SRFBP1: variants seen among roughly 807,000 people sequenced by gnomAD.
SRFBP1 encodes serum response factor-binding protein 1.
Under a neutral mutation model 45.5 loss-of-function variants are expected in SRFBP1, and 47 were observed. The observed-to-expected ratio is 1.03, with a 90% confidence interval of 0.82 to 1.32. The LOEUF (loss-of-function observed/expected upper bound fraction) is 1.32. Ranked by LOEUF, SRFBP1 falls within the 40% of genes most tolerant of loss-of-function variation. SRFBP1 has a pLI of 0.00. For missense variants in SRFBP1, 621 were observed against 484.6 expected, an observed-to-expected ratio of 1.28 and a Z score of -2.64; for synonymous variants, 203 against 166.3, an observed-to-expected ratio of 1.22 and a Z score of -1.70.
chr5:121,974,163 C>G, intron 1 of SRFBP1, 33 bp from the exon 2 acceptor site: 1 of 1,454,938 alleles, frequency 6.9e-7, no homozygotes, highest in Middle Eastern at 1.8e-4. Flanking sequence ...GAAGTAAGTG[C>G]CTTTCTTCTA....
At chr5:121,986,885 G>A (rs1427468088) in intron 3 of SRFBP1, among the ~76,000 whole-genome samples, 1 of 152,072 alleles carries the variant, frequency 6.6e-6, no homozygotes, top group Non-Finnish European at 1.5e-5. Context: ...ATATTACAAA[G>A]ATATTGAGGT....
chr5:122,057,978 T>G (rs1035042637), intron 2 of SRFBP1, among the ~76,000 whole-genome samples: 3 of 152,140 alleles, frequency 2.0e-5, no homozygotes, highest in Non-Finnish European at 4.4e-5. Context: ...CCATGTCTGC[T>G]GGCCTTGATT....
chr5:121,970,708 G>A (rs140307687), intron 1 of SRFBP1, among the ~76,000 whole-genome samples: 1 of 152,094 alleles, frequency 6.6e-6, no homozygotes, highest in African/African-American at 2.4e-5. Context: ...TTGAAACAGT[G>A]AATAGACAGT....
At chr5:121,979,548 C>T (rs896570701) in intron 3 of SRFBP1, among the ~76,000 whole-genome samples, 12 of 152,290 alleles carry the variant, frequency 7.9e-5, no homozygotes, top group Admixed American at 2.6e-4. Context: ...TAATCTTACA[C>T]TATAATTATT....
At chr5:122,000,779 C>A (rs1346846188) in intron 4 of SRFBP1, among the ~76,000 whole-genome samples, 1 of 152,052 alleles carries the variant, frequency 6.6e-6, no homozygotes, top group Non-Finnish European at 1.5e-5. Flanking sequence ...CTCTAACTCT[C>A]CAGATAGGAA....
rs753688667 is a variant in SRFBP1 at position 122,020,623 on chromosome 5, G to A, written c.888G>A (p.Lys296=). Residue 296 remains lysine, a synonymous_variant, in exon 6 of 8, where the codon AAG becomes AAA. Coordinates refer to ENST00000339397, the MANE Select transcript of SRFBP1 (RefSeq NM_152546.3). ...GGAAAGTCAGACGGACACGAAAGAA[G>A]GAAAGTAGTTGTCATTCTTCAGTTA... is the stretch of plus-strand genomic sequence containing the variant. ...FIGKVRRTRK[K]ESSCHSSVKE... 3.7e-6 allele frequency: 6 copies of A among 1,613,696 alleles called. No homozygotes were observed. Among genetic ancestry groups the A allele is most frequent in the African/African-American group, 1.3e-5 (1 of 74,886 alleles).
At chr5:121,992,364 T>C (rs973279001) in intron 3 of SRFBP1, among the ~76,000 whole-genome samples, 3 of 152,026 alleles carry the variant, frequency 2.0e-5, no homozygotes, top group African/African-American at 7.2e-5. Context: ...ACCTCCACCA[T>C]TTCCCACACT....
chr5:122,001,341 A>C (rs537473797), intron 4 of SRFBP1, among the ~76,000 whole-genome samples: 1 of 150,736 alleles, frequency 6.6e-6, no homozygotes, highest in African/African-American at 2.4e-5. Flanking sequence ...TCAGCATGCT[A>C]GATGATTTAG....
intron 1 of SRFBP1, among the ~76,000 whole-genome samples, chr5:121,971,326 G>A (rs891396974): frequency 6.6e-6 from 1 of 151,906 alleles, no homozygotes; most frequent in African/African-American, 2.4e-5. Context: ...AAGATAATTA[G>A]GATTTAAGAT....
chr5:122,052,603 G>A (rs1413185047), intron 2 of SRFBP1, among the ~76,000 whole-genome samples: 1 of 152,108 alleles, frequency 6.6e-6, no homozygotes, highest in East Asian at 1.9e-4. Context: ...TATCAGGTCA[G>A]TTTAGTTCTT....
downstream of SRFBP1, among the ~76,000 whole-genome samples, chr5:122,032,236 T>C (rs1753600720): frequency 6.6e-6 from 1 of 151,496 alleles, no homozygotes; most frequent in Non-Finnish European, 1.5e-5. Context: ...CAGTATTTTA[T>C]TTTAATGATT....
chr5:122,009,290 CTT>C (rs1423744612), intron 4 of SRFBP1, among the ~76,000 whole-genome samples: 1 of 152,014 alleles, frequency 6.6e-6, no homozygotes, highest in African/African-American at 2.4e-5. Context: ...GGAGTGAGCT[CTT>C]TGTCAGGTTG....
At chr5:121,970,028 G>A (rs1480694523) in intron 1 of SRFBP1, among the ~76,000 whole-genome samples, 1 of 152,008 alleles carries the variant, frequency 6.6e-6, no homozygotes, top group African/African-American at 2.4e-5. Flanking sequence ...CAGTGCACTT[G>A]GACTTCTGGC....
Position 122,027,201 on chromosome 5 carries a change from C to T in SRFBP1, c.*75C>T. 1 of 1,220,890 alleles carries T rather than the reference C, an allele frequency of 8.2e-7. No homozygotes were observed. The allele number at this position is 1,220,890 out of a possible 1,614,324, so 75.6% of individuals were successfully genotyped here. A position where few individuals can be genotyped will look rare whatever the true frequency, so the allele number is the denominator to read the frequency against. ...TTTAAGACAGGATCTCATTCTGTTGCCCAGACTAGAGTACAATATTGCAAT... is the reference window on the plus strand; with the variant it reads ...TTTAAGACAGGATCTCATTCTGTTGTCCAGACTAGAGTACAATATTGCAAT... On this transcript the variant is annotated 3_prime_UTR_variant, in exon 8 of 8. Coordinates refer to ENST00000339397, the MANE Select transcript of SRFBP1 (RefSeq NM_152546.3).
intron 4 of SRFBP1, among the ~76,000 whole-genome samples, chr5:122,005,194 C>T (rs1274252482): frequency 1.3e-5 from 2 of 152,074 alleles, no homozygotes; most frequent in South Asian, 2.1e-4. Flanking sequence ...CCTGATGTTT[C>T]CTTATTGATT....
At chr5:121,979,617 G>T (rs976486052) in intron 3 of SRFBP1, among the ~76,000 whole-genome samples, 8 of 152,114 alleles carry the variant, frequency 5.3e-5, no homozygotes, top group African/African-American at 1.7e-4. Flanking sequence ...CAGACTCAAC[G>T]TGTTAGAGAT....
intron 3 of SRFBP1, among the ~76,000 whole-genome samples, chr5:121,987,468 G>T (rs953362608): frequency 1.3e-5 from 2 of 152,132 alleles, no homozygotes; most frequent in African/African-American, 4.8e-5. Context: ...AGGAAATAAA[G>T]TTTTTGTTGT....
intron 2 of SRFBP1, among the ~76,000 whole-genome samples, chr5:122,047,160 T>C (rs939716370): frequency 3.3e-5 from 5 of 152,368 alleles, no homozygotes; most frequent in Middle Eastern, 3.4e-3. Context: ...GGTTCTCTTC[T>C]AGGGTTTTTA....
intron 3 of SRFBP1, among the ~76,000 whole-genome samples, chr5:121,990,213 A>C (rs1388443350): frequency 6.6e-6 from 1 of 152,200 alleles, no homozygotes; most frequent in Non-Finnish European, 1.5e-5. Flanking sequence ...AATGTGGTCC[A>C]TATATACTAT....
Sources: allele counts gnomAD v4.1 joint callset (sites outside exome capture counted in the v4.1 genomes callset), GRCh38; gene constraint gnomAD v4.1.1; transcripts MANE v1.5; gene names NCBI Gene and HGNC (gene_info 2026-07-23, HGNC 2026-07-21).